Variants in CCNYL1 observed in about 807,000 individuals in gnomAD.
CCNYL1 encodes the protein cyclin-Y-like protein 1.
In CCNYL1, 16 loss-of-function variants were observed where a neutral mutation model predicts 44.2. The ratio of observed to expected loss-of-function variants is 0.36; its 90% CI spans 0.25 to 0.55. The LOEUF (loss-of-function observed/expected upper bound fraction) is 0.55. Among genes scored for constraint, CCNYL1 ranks in the 20% least tolerant of loss-of-function variants. The pLI, the probability that CCNYL1 is intolerant of heterozygous loss-of-function variation, is 0.85. For synonymous variants in CCNYL1, 159 were observed against 163.2 expected, an observed-to-expected ratio of 0.97 and a Z score of 0.20; for missense variants, 348 against 451.8, an observed-to-expected ratio of 0.77 and a Z score of 2.08.
At chr2:207,734,092 A>G in intron 4 of CCNYL1, 45 bp downstream of exon 4, 1 of 1,210,736 alleles carries the variant, frequency 8.3e-7, no homozygotes, top group South Asian at 1.3e-5. Flanking sequence ...AGACCCCCTT[A>G]TGCTAAAAGC....
intron 1 of CCNYL1, among the ~76,000 whole-genome samples, chr2:207,716,875 C>T (rs933186598): frequency 3.9e-5 from 6 of 151,952 alleles, no homozygotes; most frequent in East Asian, 1.9e-4. Flanking sequence ...TTTGGGAGGC[C>T]GAGGCGGGTG....
chr2:207,740,980 G>T (rs1201124803), intron 6 of CCNYL1, among the ~76,000 whole-genome samples: 1 of 152,196 alleles, frequency 6.6e-6, no homozygotes, highest in African/African-American at 2.4e-5. Flanking sequence ...TTCAGGCCGG[G>T]CACGGTGGCT....
chr2:207,723,606 T>C (rs994234128), intron 1 of CCNYL1, among the ~76,000 whole-genome samples: 1 of 152,090 alleles, frequency 6.6e-6, no homozygotes, highest in African/African-American at 2.4e-5. Context: ...CTGGGCGCGG[T>C]GACTCACCTC....
chr2:207,721,249 C>T (rs2091638166), intron 1 of CCNYL1, among the ~76,000 whole-genome samples: 1 of 152,138 alleles, frequency 6.6e-6, no homozygotes, highest in African/African-American at 2.4e-5. Context: ...ATATTGAAAT[C>T]AATATGTTGA....
rs2091911002 is a variant in CCNYL1, at chr2:207,753,634, T to C, written c.1016T>C (p.Met339Thr). Residue 339 changes from methionine to threonine, a missense_variant, in exon 10 of 10, where the codon ATG (methionine) becomes ACG (threonine). This residue lies in a region of CCNYL1 where 94 missense variants were observed against 102.4 expected (regional missense o/e 0.92). Transcript: ENST00000295414. ...CEDKDLCRAAMRRSFSADNFI... is the reference protein window; with the variant it reads ...CEDKDLCRAATRRSFSADNFI... ...GACAAAGACTTGTGTAGAGCCGCTA[T>C]GAGAAGGTCTTTCAGTGCTGATAAC... 6 of 1,613,520 alleles carry C rather than the reference T, an allele frequency of 3.7e-6. No homozygotes were observed. Among genetic ancestry groups the C allele is most frequent in the Non-Finnish European group, 5.1e-6 (6 of 1,179,684 alleles).
At chr2:207,715,379 C>T (rs371826859) in intron 1 of CCNYL1, among the ~76,000 whole-genome samples, 19 of 100,750 alleles carry the variant, frequency 1.9e-4, no homozygotes, top group East Asian at 3.4e-4. Context: ...CAAGCTATTT[C>T]TTTTTTTTTT....
chr2:207,716,799 A>T (rs2091599811), intron 1 of CCNYL1, among the ~76,000 whole-genome samples: 1 of 152,130 alleles, frequency 6.6e-6, no homozygotes, highest in Non-Finnish European at 1.5e-5. Flanking sequence ...TTTTGTAGTT[A>T]AGATATTTTA....
chr2:207,716,428 T>G (rs1031845062), intron 1 of CCNYL1, among the ~76,000 whole-genome samples: 4 of 152,020 alleles, frequency 2.6e-5, no homozygotes, highest in Admixed American at 6.6e-5. Flanking sequence ...GGTATGCATA[T>G]GAATATAACA....
At chr2:207,749,445 G>T (rs1190945258) in intron 8 of CCNYL1, among the ~76,000 whole-genome samples, 1 of 152,204 alleles carries the variant, frequency 6.6e-6, no homozygotes, top group East Asian at 1.9e-4. Context: ...CTGCTATTCA[G>T]ACGGTTTGCT....
intron 1 of CCNYL1, among the ~76,000 whole-genome samples, chr2:207,720,692 G>A (rs2091633842): frequency 6.6e-6 from 1 of 152,054 alleles, no homozygotes; most frequent in Non-Finnish European, 1.5e-5. Context: ...TGGGATTACA[G>A]GTGTGAGTCA....
intron 2 of CCNYL1, 50 bp from the exon 3 acceptor site, chr2:207,726,792 T>C (rs1444015028): frequency 3.1e-6 from 4 of 1,287,872 alleles, no homozygotes; most frequent in Middle Eastern, 3.8e-4. Context: ...ACTACTTTTA[T>C]ACTGTGGCAT....
At chr2:207,714,670 G>A (rs1203602232) in intron 1 of CCNYL1, 1 of 165,314 alleles carries the variant, frequency 6.0e-6, no homozygotes, top group Non-Finnish European at 1.3e-5. Flanking sequence ...AGCATGGGAT[G>A]ATGATAAAGA....
chr2:207,753,486 A>C, intron 9 of CCNYL1, 102 bp from the exon 10 acceptor site: 2 of 759,636 alleles, frequency 2.6e-6, no homozygotes, highest in East Asian at 4.9e-5. Flanking sequence ...ACTGTGAACT[A>C]TCTAAAGGAG....
chr2:207,723,492 A>G (rs62189190), intron 1 of CCNYL1, among the ~76,000 whole-genome samples: 1,643 of 152,270 alleles, frequency 0.011, 19 homozygotes, highest in Middle Eastern at 0.041. Context: ...CAATTATATT[A>G]ATATGTAGTT....
At chr2:207,750,723 G>C (rs1222757256) in intron 8 of CCNYL1, 1 of 424,832 alleles carries the variant, frequency 2.4e-6, no homozygotes, top group Non-Finnish European at 4.2e-6. Context: ...AGCAGCACAA[G>C]TGCATCGGAG....
At chr2:207,723,382 T>G (rs1255134589) in intron 1 of CCNYL1, among the ~76,000 whole-genome samples, 3 of 152,224 alleles carry the variant, frequency 2.0e-5, no homozygotes, top group African/African-American at 7.2e-5. Flanking sequence ...ACTACTAGAC[T>G]GATTAGTTTT....
chr2:207,745,337 A>C (rs1047558511), intron 7 of CCNYL1, among the ~76,000 whole-genome samples: 4 of 152,178 alleles, frequency 2.6e-5, no homozygotes, highest in African/African-American at 9.7e-5. Context: ...TTTAGTGGGA[A>C]GAAAAGAACT....
intron 7 of CCNYL1, among the ~76,000 whole-genome samples, chr2:207,743,421 T>C (rs1169047881): frequency 1.3e-5 from 2 of 152,114 alleles, no homozygotes; most frequent in Non-Finnish European, 2.9e-5. Flanking sequence ...TGAAGAGTTA[T>C]AGTAGCTGTT....
Position 207,733,984 on chromosome 2 carries a change from G to T in CCNYL1, c.368G>T (p.Cys123Phe). 1 of 1,613,626 alleles carries T rather than the reference G, an allele frequency of 6.2e-7. No homozygotes were observed. Among genetic ancestry groups the T allele is most frequent in the South Asian group, 1.1e-5 (1 of 91,034 alleles). ...CAGCTTACTAAAAAGTATAGCTCAT[G>T]CTCAACAATATTTCTAGATGACAGC... ...PGQLTKKYSS[C>F]STIFLDDSTV... The change falls in exon 4 of 10, where the codon TGC becomes TTC. Residue 123 changes from cysteine to phenylalanine, a missense_variant. This residue lies in a region of CCNYL1 where 209 missense variants were observed against 247.7 expected (regional missense o/e 0.84). Transcript: ENST00000295414.
Sources: gnomAD v4.1 joint callset for allele counts (sites outside exome capture counted in the v4.1 genomes callset) on GRCh38, gnomAD v4.1.1 for gene constraint, gnomAD v4.1.1 regional missense constraint, MANE v1.5 for transcripts, NCBI Gene and HGNC (gene_info 2026-07-23, HGNC 2026-07-21) for gene names.